BNC2: variants seen among roughly 807,000 people sequenced by gnomAD.
BNC2 encodes zinc finger protein basonuclin-2.
In BNC2, 20 loss-of-function variants were observed where a neutral mutation model predicts 76.3. That is an observed-to-expected ratio of 0.26 (90% CI 0.18 to 0.38). The LOEUF (loss-of-function observed/expected upper bound fraction) is 0.38. BNC2 is among the 10% of genes least tolerant of loss of function. The probability of loss-of-function intolerance (pLI) is 1.00; values close to 1 mark genes in which losing one functional copy is unlikely to be tolerated. For missense variants in BNC2, 1,382 were observed against 1,399.8 expected, an observed-to-expected ratio of 0.99 and a Z score of 0.20; for synonymous variants, 582 against 514.8, an observed-to-expected ratio of 1.13 and a Z score of -1.77.
chr9:16,722,302 T>A (rs1013428657), intron 3 of BNC2, among the ~76,000 whole-genome samples: 1 of 152,170 alleles, frequency 6.6e-6, no homozygotes, highest in Non-Finnish European at 1.5e-5. Context: ...AGCATCTAAT[T>A]AGTCAGGGAG....
chr9:16,662,995 A>G (rs1459814254), intron 3 of BNC2, among the ~76,000 whole-genome samples: 1 of 152,156 alleles, frequency 6.6e-6, no homozygotes, highest in Non-Finnish European at 1.5e-5. Flanking sequence ...GTTACAGTCT[A>G]TTCTGGTTAT....
At chr9:16,501,702 T>C (rs987302074) in intron 5 of BNC2, among the ~76,000 whole-genome samples, 5 of 152,200 alleles carry the variant, frequency 3.3e-5, no homozygotes, top group African/African-American at 9.6e-5. Flanking sequence ...AAAAACTCTC[T>C]GTCCACAATT....
chr9:16,810,722 CA>C (rs1818025221), intron 1 of BNC2, among the ~76,000 whole-genome samples: 1 of 152,120 alleles, frequency 6.6e-6, no homozygotes, highest in Non-Finnish European at 1.5e-5. Flanking sequence ...ATGTCTATGT[CA>C]AAAATGCTTA....
At chr9:16,724,124 A>G (rs891866623) in intron 3 of BNC2, among the ~76,000 whole-genome samples, 1 of 152,056 alleles carries the variant, frequency 6.6e-6, no homozygotes, top group African/African-American at 2.4e-5. Context: ...AACAGGTTAA[A>G]TATACCTCAC....
chr9:16,454,331 C>T (rs1458550487), intron 5 of BNC2, among the ~76,000 whole-genome samples: 2 of 138,244 alleles, frequency 1.4e-5, no homozygotes, highest in African/African-American at 3.0e-5. Context: ...GAGAGAGGGT[C>T]TCACTCTGTT....
chr9:16,606,682 C>A (rs1209327257), intron 3 of BNC2, among the ~76,000 whole-genome samples: 1 of 152,096 alleles, frequency 6.6e-6, no homozygotes, highest in African/African-American at 2.4e-5. Flanking sequence ...CTCAGCCTCC[C>A]GAGTAGCTGG....
intron 1 of BNC2, among the ~76,000 whole-genome samples, chr9:16,828,619 A>G (rs1289070060): frequency 6.6e-6 from 1 of 151,676 alleles, no homozygotes; most frequent in Non-Finnish European, 1.5e-5. Context: ...GCCTACAGAG[A>G]AAAAAAAAGT....
intron 1 of BNC2, among the ~76,000 whole-genome samples, chr9:16,843,277 T>G (rs546751646): frequency 9.2e-5 from 14 of 152,356 alleles, no homozygotes; most frequent in Admixed American, 9.1e-4. Flanking sequence ...CTGTTTGTAC[T>G]AGATAGTACT....
intron 1 of BNC2, among the ~76,000 whole-genome samples, chr9:16,851,380 C>T (rs1213514490): frequency 6.6e-6 from 1 of 151,878 alleles, no homozygotes; most frequent in Admixed American, 6.6e-5. Context: ...ATGGCTCATG[C>T]GTGTAGTCCC....
chr9:16,783,904 T>C (rs773038290), intron 1 of BNC2, among the ~76,000 whole-genome samples: 1 of 152,248 alleles, frequency 6.6e-6, no homozygotes. Context: ...AATTCTTTTA[T>C]ATTTTTAAAA....
intron 3 of BNC2, among the ~76,000 whole-genome samples, chr9:16,684,728 C>G (rs1272973611): frequency 6.6e-6 from 1 of 152,050 alleles, no homozygotes; most frequent in African/African-American, 2.4e-5. Flanking sequence ...GAAACTTCAG[C>G]CTGCATCTTT....
At chr9:16,479,138 G>A (rs1249614710) in intron 5 of BNC2, among the ~76,000 whole-genome samples, 5 of 151,982 alleles carry the variant, frequency 3.3e-5, no homozygotes, top group Non-Finnish European at 7.4e-5. Context: ...TGTAATCCCA[G>A]CTACTCGGGA....
chr9:16,439,321 A>T (rs996967226), intron 5 of BNC2, among the ~76,000 whole-genome samples: 1 of 152,234 alleles, frequency 6.6e-6, no homozygotes, highest in Admixed American at 6.5e-5. Flanking sequence ...GGGGCATTCT[A>T]CAAAACAGTA....
chr9:16,535,239 T>C (rs1818093033), intron 5 of BNC2, among the ~76,000 whole-genome samples: 1 of 152,210 alleles, frequency 6.6e-6, no homozygotes, highest in East Asian at 1.9e-4. Context: ...TTACACATCT[T>C]TGCAAGGCTG....
chr9:16,806,628 C>A (rs1159089673), intron 1 of BNC2, among the ~76,000 whole-genome samples: 1 of 152,100 alleles, frequency 6.6e-6, no homozygotes, highest in Non-Finnish European at 1.5e-5. Flanking sequence ...GAGAAAGACC[C>A]AGAAAAATAA....
At chr9:16,523,671 T>C (rs1817694346) in intron 5 of BNC2, among the ~76,000 whole-genome samples, 1 of 152,056 alleles carries the variant, frequency 6.6e-6, no homozygotes, top group African/African-American at 2.4e-5. Context: ...CTCACACCTA[T>C]AATCCCAACA....
chr9:16,602,381 G>C (rs537910539), intron 3 of BNC2, among the ~76,000 whole-genome samples: 2 of 152,254 alleles, frequency 1.3e-5, no homozygotes, highest in Admixed American at 6.5e-5. Context: ...CCCAACATTA[G>C]GTAAGGTGAA....
intron 1 of BNC2, among the ~76,000 whole-genome samples, chr9:16,843,664 G>GA (rs1189237353): frequency 6.6e-6 from 1 of 152,182 alleles, no homozygotes; most frequent in African/African-American, 2.4e-5. Flanking sequence ...TTTTATAAAT[G>GA]AAAAATCTAT....
chr9:16,870,042 T>TA (rs1819638484), intron 1 of BNC2, among the ~76,000 whole-genome samples: 1 of 152,152 alleles, frequency 6.6e-6, no homozygotes, highest in Non-Finnish European at 1.5e-5. Context: ...ACCTTCTCCG[T>TA]AAAGCCTGCG....
Sources: allele counts gnomAD v4.1 joint callset (sites outside exome capture counted in the v4.1 genomes callset), GRCh38; gene constraint gnomAD v4.1.1; transcripts MANE v1.5; gene names NCBI Gene and HGNC (gene_info 2026-07-23, HGNC 2026-07-21).